The following HTT variants were observed in gnomAD, a reference collection of about 807,000 sequenced individuals.
HTT encodes huntingtin, also known as huntington disease protein.
A neutral mutation model predicts 362.3 loss-of-function variants in HTT; 104 were observed. That is an observed-to-expected ratio of 0.29 (90% confidence interval 0.24 to 0.34). The LOEUF is 0.34. Ranked by LOEUF, HTT falls within the 10% of genes least tolerant of loss-of-function variation. HTT has a pLI of 1.00. For missense variants in HTT, 3,301 were observed against 3,928.6 expected (o/e 0.84, Z 4.27); for synonymous variants, 1,577 against 1,548.7 (o/e 1.02, Z -0.43).
In HTT at chr4:3,142,890, A is replaced by C; in HGVS notation, c.3066+4A>C. On this transcript the variant is annotated splice_donor_region_variant and intron_variant, in intron 23 of 66. Transcript: ENST00000355072. ...ATCAACCACCAGAGCACTCACAGTA[A>C]GTCTCTTTCTTGATCGGTCTTACTG... 1 of 1,612,188 alleles carries C rather than the reference A, an allele frequency of 6.2e-7. No homozygotes were observed. Among genetic ancestry groups the C allele is most frequent in the South Asian group, 1.1e-5 (1 of 91,026 alleles).
rs1399987226 is a variant in HTT, at chr4:3,240,109, G to A, written c.*50G>A. 1 of 1,468,904 alleles carries A rather than the reference G, an allele frequency of 6.8e-7. No individual in the cohort carries two copies. The allele number at this position is 1,468,904 out of a possible 1,614,324, so 91.0% of individuals were successfully genotyped here. On this transcript the variant is annotated 3_prime_UTR_variant, in exon 67 of 67. Transcript: ENST00000355072. ...GGCGGCAGCTGGGGCCGGAGCCTTT[G>A]GAAGTCTGCGCCCTTGTGCCCTGCC...
At chr4:3,123,730 G>C (rs560259845) in intron 10 of HTT, among the ~76,000 whole-genome samples, 9 of 152,180 alleles carry the variant, frequency 5.9e-5, no homozygotes, top group Admixed American at 3.9e-4. Context: ...ATTTTAATTT[G>C]GACCTGGTTA....
chr4:3,091,874 A>T (rs1367032335), intron 2 of HTT, among the ~76,000 whole-genome samples: 1 of 152,214 alleles, frequency 6.6e-6, no homozygotes, highest in African/African-American at 2.4e-5. Context: ...TTAGATTATT[A>T]TATGTCTGAC....
intron 4 of HTT, among the ~76,000 whole-genome samples, chr4:3,104,446 TA>T (rs1348055027): frequency 6.6e-6 from 1 of 151,296 alleles, no homozygotes; most frequent in African/African-American, 2.4e-5. Context: ...CTGTCTCTAC[TA>T]AAAATACAAA....
chr4:3,223,234 G>C (rs554901382), intron 54 of HTT, among the ~76,000 whole-genome samples, 172 bp from the exon 55 acceptor site: 3 of 152,248 alleles, frequency 2.0e-5, no homozygotes. Context: ...TTCAGGGCCC[G>C]TGTGTGCGGA....
chr4:3,183,378 TC>T (rs1718615736), intron 37 of HTT, among the ~76,000 whole-genome samples: 1 of 152,234 alleles, frequency 6.6e-6, no homozygotes, highest in Admixed American at 6.5e-5. Flanking sequence ...TTGAGGCAGC[TC>T]TGCCAGAAAA....
chr4:3,190,628 T>C (rs1197796518), intron 40 of HTT, among the ~76,000 whole-genome samples: 1 of 150,228 alleles, frequency 6.7e-6, no homozygotes, highest in Non-Finnish European at 1.5e-5. Context: ...GCCCAGGAGG[T>C]CAAGCTGTAG....
chr4:3,207,282 G>A lies in HTT; in HGVS notation c.6077G>A (p.Ser2026Asn), dbSNP rs771886064. The A allele has an allele frequency of 3.1e-6, 5 of 1,613,692 alleles. No homozygotes were observed. In the South Asian group the frequency reaches 4.4e-5, roughly 14 times the overall value. Reference sequence around the variant, plus strand: ...CACTAATGTGTTTTTGTCTATTAGAGCAGCATGGCCCAGTTGCCAATGGAA... The same window carrying A: ...CACTAATGTGTTTTTGTCTATTAGAACAGCATGGCCCAGTTGCCAATGGAA... ...VEMLLAANLQ[S>N]SMAQLPMEEL... The change falls in exon 45 of 67, where the codon AGC becomes AAC. Residue 2026 changes from serine (S) to asparagine (N), a missense_variant and splice_region_variant. Transcript: ENST00000355072.
intron 64 of HTT, among the ~76,000 whole-genome samples, chr4:3,236,744 G>A (rs1249488064): frequency 1.3e-5 from 2 of 152,188 alleles, no homozygotes; most frequent in Non-Finnish European, 2.9e-5. Flanking sequence ...GACCCGTGTG[G>A]TCAGTGGCTT....
intron 40 of HTT, among the ~76,000 whole-genome samples, chr4:3,191,551 A>G (rs1462042121): frequency 1.3e-5 from 2 of 152,220 alleles, no homozygotes; most frequent in Non-Finnish European, 2.9e-5. Context: ...GAACAGAATG[A>G]AAATGTCTTC....
intron 2 of HTT, among the ~76,000 whole-genome samples, chr4:3,091,901 T>C (rs1258035884): frequency 6.6e-6 from 1 of 152,258 alleles, no homozygotes; most frequent in Admixed American, 6.5e-5. Context: ...GTTTTACCTC[T>C]AGGGTGCTTA....
At chr4:3,078,092 A>G (rs1712660716) in intron 1 of HTT, among the ~76,000 whole-genome samples, 1 of 152,168 alleles carries the variant, frequency 6.6e-6, no homozygotes, top group Non-Finnish European at 1.5e-5. Context: ...GGAGTTCCTT[A>G]TGGGGCTGGC....
At chr4:3,090,863 G>C (rs1713467212) in intron 2 of HTT, among the ~76,000 whole-genome samples, 1 of 152,226 alleles carries the variant, frequency 6.6e-6, no homozygotes, top group Non-Finnish European at 1.5e-5. Flanking sequence ...TGTAATCCCA[G>C]CACTTTGGGA....
At chr4:3,079,872 T>A (rs962712840) in intron 1 of HTT, among the ~76,000 whole-genome samples, 10 of 152,134 alleles carry the variant, frequency 6.6e-5, no homozygotes, top group Admixed American at 6.5e-4. Context: ...CTGTGGGCAG[T>A]GTGAGGAATG....
intron 5 of HTT, 103 bp downstream of exon 5, chr4:3,105,539 C>T (rs1201596270): frequency 6.2e-6 from 5 of 806,050 alleles, no homozygotes; most frequent in Admixed American, 3.8e-5. Context: ...TCTGCCCTCT[C>T]CAAATTGCAG....
chr4:3,204,298 C>G (rs1289931565), intron 42 of HTT, 150 bp downstream of exon 42: 6 of 727,930 alleles, frequency 8.2e-6, no homozygotes, highest in Non-Finnish European at 1.4e-5. Flanking sequence ...TGAATGTTTA[C>G]TTCTGCTGTG....
In HTT at chr4:3,242,129, C is replaced by A. The variant is rs1271262619; in HGVS notation, c.*2070C>A. The A allele has an allele frequency of 6.6e-6, 1 of 152,140 alleles. No homozygotes were observed. 9.4% of individuals were successfully genotyped at this position (152,140 alleles called of 1,614,324 possible). ...GCAGTATCACAGGCCAGATGTTGTT[C>A]CTGGCTAGATGTTTACATTTGTAAG... is the stretch of plus-strand genomic sequence containing the variant. On this transcript the variant is annotated 3_prime_UTR_variant, in exon 67 of 67. Coordinates refer to ENST00000355072, the MANE Select transcript of HTT (RefSeq NM_001388492.1).
chr4:3,188,632 C>T (rs912837095), intron 39 of HTT: 9 of 211,278 alleles, frequency 4.3e-5, no homozygotes, highest in South Asian at 1.6e-4. Context: ...TTCCCTGTGT[C>T]GCATTGAAGC....
Position 3,152,716 on chromosome 4 carries a change from A to G in HTT, c.3499-1577A>G, listed in dbSNP as rs930102287. Among the ~76,000 whole-genome samples, 4 of 151,060 alleles carry G rather than the reference A, an allele frequency of 2.6e-5. No individual in the cohort carries two copies. In the South Asian group the frequency reaches 8.4e-4, roughly 32 times the overall value. ...CTCTCTGTTTTTCTTTTTTTTTTAA[A>G]TTGTGACGGAACTTCTGCCTCCCGG... On this transcript the variant is annotated intron_variant, in intron 26 of 66. Transcript: ENST00000355072.
Sources: gnomAD v4.1 joint callset for allele counts (sites outside exome capture counted in the v4.1 genomes callset) on GRCh38, gnomAD v4.1.1 for gene constraint, MANE v1.5 for transcripts, NCBI Gene and HGNC (gene_info 2026-07-23, HGNC 2026-07-21) for gene names.